Variants in ST3GAL3 observed in about 807,000 individuals in gnomAD.
The protein encoded by ST3GAL3 is ST3 beta-galactoside alpha-2,3-sialyltransferase 3, also known as CMP-N-acetylneuraminate-beta-1,4-galactoside alpha-2,3-sialyltransferase.
In ST3GAL3, 21 loss-of-function variants were observed where a neutral mutation model predicts 50.1. That is an observed-to-expected ratio of 0.42 (90% confidence interval 0.30 to 0.60). The LOEUF is 0.60. ST3GAL3 is among the 20% of genes least tolerant of loss of function. The pLI is 0.19. For missense variants in ST3GAL3, 353 were observed against 489.4 expected (o/e 0.72, Z 2.63); for synonymous variants, 183 against 190.0 (o/e 0.96, Z 0.30).
At chr1:43,717,005 C>T (rs1049939084) in intron 1 of ST3GAL3, among the ~76,000 whole-genome samples, 1 of 152,178 alleles carries the variant, frequency 6.6e-6, no homozygotes, top group South Asian at 2.1e-4. Context: ...TGTTTATGTA[C>T]GTGGTTCCTC....
intron 9 of ST3GAL3, chr1:43,916,968 A>AT (rs1258860833): frequency 6.6e-6 from 1 of 152,064 alleles, no homozygotes; most frequent in Non-Finnish European, 1.5e-5. Context: ...AAACTTTTGG[A>AT]TTTTTTTCTG....
chr1:43,856,977 A>C (rs1487095498), intron 5 of ST3GAL3, among the ~76,000 whole-genome samples: 1 of 151,972 alleles, frequency 6.6e-6, no homozygotes, highest in Non-Finnish European at 1.5e-5. Flanking sequence ...TCAGATGATT[A>C]GGGACCCACA....
At chr1:43,784,669 T>A (rs991434474) in intron 2 of ST3GAL3, among the ~76,000 whole-genome samples, 1 of 152,250 alleles carries the variant, frequency 6.6e-6, no homozygotes, top group South Asian at 2.1e-4. Flanking sequence ...TCGAGCTTAG[T>A]AAGAACTCTG....
chr1:43,801,455 G>A (rs1462078271), intron 3 of ST3GAL3: 3 of 441,226 alleles, frequency 6.8e-6, no homozygotes, highest in Non-Finnish European at 1.4e-5. Context: ...AGGACACCTG[G>A]CTTCAGGAAC....
chr1:43,792,942 C>T (rs1470167426), intron 3 of ST3GAL3, among the ~76,000 whole-genome samples: 3 of 152,144 alleles, frequency 2.0e-5, no homozygotes, highest in African/African-American at 7.2e-5. Flanking sequence ...TCAGGTGGGC[C>T]TCATACCATG....
At position 43,807,222 on chromosome 1, in the gene ST3GAL3, G is replaced by C. The variant is rs1019347530; in HGVS notation, c.167-7669G>C. ...ACCTGAGGTCACGAGTTCAAGACCA[G>C]CCTGGCAAACATGGTGAAACCCCAT... On this transcript the variant is annotated intron_variant, in intron 3 of 11. Coordinates refer to ENST00000347631, the MANE Select transcript of ST3GAL3 (RefSeq NM_006279.5). Among the ~76,000 whole-genome samples the C allele has an allele frequency of 1.1e-4, 16 of 151,884 alleles. 1 individual carries two copies. Among genetic ancestry groups the C allele is most frequent in the Admixed American group, 9.2e-4 (14 of 15,228 alleles).
chr1:43,743,931 T>C (rs1188219584), intron 2 of ST3GAL3, among the ~76,000 whole-genome samples: 1 of 144,596 alleles, frequency 6.9e-6, no homozygotes, highest in African/African-American at 2.5e-5. Flanking sequence ...AAATGGCCAA[T>C]GGTATGTTTT....
At chr1:43,829,980 C>A (rs935778625) in intron 4 of ST3GAL3, among the ~76,000 whole-genome samples, 1 of 137,292 alleles carries the variant, frequency 7.3e-6, no homozygotes, top group Non-Finnish European at 1.6e-5. Flanking sequence ...CAACCCACTG[C>A]AAGCATAAAA....
chr1:43,724,775 A>G (rs1354176691), intron 1 of ST3GAL3, among the ~76,000 whole-genome samples: 4 of 152,166 alleles, frequency 2.6e-5, no homozygotes, highest in Admixed American at 2.6e-4. Flanking sequence ...ATGAGTGGCA[A>G]AGAAGGCAGA....
At chr1:43,817,707 T>TCTCCTTCTC (rs1230330720) in intron 4 of ST3GAL3, among the ~76,000 whole-genome samples, 1 of 138,818 alleles carries the variant, frequency 7.2e-6, no homozygotes, top group Non-Finnish European at 1.6e-5. Flanking sequence ...CCTTCTTCCT[T>TCTCCTTCTC]CTCCTTCTCC....
chr1:43,742,484 C>G (rs1335656403), intron 2 of ST3GAL3, among the ~76,000 whole-genome samples: 2 of 152,172 alleles, frequency 1.3e-5, no homozygotes, highest in Non-Finnish European at 2.9e-5. Flanking sequence ...TGCTAAAATA[C>G]AAATTGACAC....
intron 1 of ST3GAL3, among the ~76,000 whole-genome samples, chr1:43,711,836 T>G (rs553104495): frequency 6.6e-6 from 1 of 152,354 alleles, no homozygotes; most frequent in East Asian, 1.9e-4. Flanking sequence ...TAAATTATAT[T>G]CAGGGTATTC....
chr1:43,786,273 G>A (rs916804708), intron 2 of ST3GAL3, among the ~76,000 whole-genome samples: 4 of 152,142 alleles, frequency 2.6e-5, no homozygotes, highest in African/African-American at 9.7e-5. Flanking sequence ...GCTTCTCATT[G>A]CTAATGAAAT....
At chr1:43,731,280 C>T (rs940860695) in intron 1 of ST3GAL3, among the ~76,000 whole-genome samples, 7 of 151,832 alleles carry the variant, frequency 4.6e-5, no homozygotes, top group Non-Finnish European at 8.8e-5. Context: ...GGCACGATTT[C>T]GGCTCACTGC....
At chr1:43,913,458 C>T (rs1371973253) in intron 9 of ST3GAL3, 2 of 152,138 alleles carry the variant, frequency 1.3e-5, no homozygotes. Flanking sequence ...GGGATTAAGC[C>T]TCTGTTTTTC....
chr1:43,824,606 G>C (rs990744771), intron 4 of ST3GAL3: 2 of 1,124,870 alleles, frequency 1.8e-6, no homozygotes, highest in African/African-American at 3.1e-5. Context: ...TAGCATTGCA[G>C]GATTTGGCTA....
At chr1:43,714,192 A>T (rs946862282) in intron 1 of ST3GAL3, among the ~76,000 whole-genome samples, 21 of 149,756 alleles carry the variant, frequency 1.4e-4, no homozygotes, top group Admixed American at 8.1e-4. Context: ...TGAACCCGGG[A>T]GGCGGAGGTT....
chr1:43,760,650 G>A (rs1689947562), intron 2 of ST3GAL3, among the ~76,000 whole-genome samples: 1 of 152,124 alleles, frequency 6.6e-6, no homozygotes, highest in Admixed American at 6.5e-5. Flanking sequence ...CAGCTACTCG[G>A]GAGGCTGAGG....
rs747912225 is a variant in ST3GAL3 at position 43,894,455 on chromosome 1, G to A, written c.375G>A (p.Pro125=). The change falls in exon 6 of 12, where the codon CCG becomes CCA. Residue 125 remains proline (P), a synonymous_variant. Coordinates refer to ENST00000347631, the MANE Select transcript of ST3GAL3 (RefSeq NM_006279.5). ...RKWARIREFV[P]PFGIKGQDNL... ...GGGCTAGAATCCGGGAGTTCGTGCC[G>A]CCTTTTGGGATCAAAGGTCAAGGTA... 3.6e-5 allele frequency: 58 copies of A among 1,613,886 alleles called. No individual in the cohort carries two copies. Among genetic ancestry groups the A allele is most frequent in the South Asian group, 5.5e-5 (5 of 91,072 alleles).
Sources: allele counts gnomAD v4.1 joint callset (sites outside exome capture counted in the v4.1 genomes callset), GRCh38; gene constraint gnomAD v4.1.1; transcripts MANE v1.5; gene names NCBI Gene and HGNC (gene_info 2026-07-23, HGNC 2026-07-21).